EVI5: variants seen among roughly 807,000 people sequenced by gnomAD.
EVI5 encodes the protein ecotropic viral integration site 5 protein homolog.
EVI5 carries 73 observed loss-of-function variants against 112.0 expected under a neutral mutation model. That is an observed-to-expected ratio of 0.65 (90% CI 0.54 to 0.79). The LOEUF (loss-of-function observed/expected upper bound fraction) is 0.79. Ranked by LOEUF, EVI5 falls within the 30% of genes least tolerant of loss-of-function variation. The pLI is 0.00. For synonymous variants in EVI5, 305 were observed against 319.9 expected (o/e 0.95, Z 0.50); for missense variants, 900 against 968.8 (o/e 0.93, Z 0.94).
At position 92,783,501 on chromosome 1, in the gene EVI5, A is replaced by G. The variant is rs1371123390; in HGVS notation, c.-82+1335T>C. Among the ~76,000 whole-genome samples, 270 of 129,018 alleles carry G rather than the reference A, an allele frequency of 2.1e-3. 1 individual carries two copies. Among genetic ancestry groups the G allele is most frequent in the African/African-American group, 7.4e-3 (230 of 31,134 alleles). 84.6% of individuals were successfully genotyped at this position (129,018 alleles called of 152,430 possible). A position where few individuals can be genotyped will look rare whatever the true frequency, so the allele number is the denominator to read the frequency against. ...TCAGCCTTAAAAAAAAAAAAAAAAA[A>G]AAAAAAGAAAAGAAAAGAAAAGAAA... On this transcript the variant is annotated intron_variant, in intron 1 of 19. Transcript: ENST00000684568.
chr1:92,523,446 T>A (rs1041241698), intron 19 of EVI5, among the ~76,000 whole-genome samples: 10 of 152,164 alleles, frequency 6.6e-5, no homozygotes, highest in East Asian at 5.8e-4. Context: ...ATATATTTTT[T>A]AAAAAATATA....
At chr1:92,593,994 T>C (rs1339715950) in intron 18 of EVI5, among the ~76,000 whole-genome samples, 1 of 152,144 alleles carries the variant, frequency 6.6e-6, no homozygotes, top group East Asian at 1.9e-4. Flanking sequence ...GGTCATACTG[T>C]CCAAGGTAAT....
Position 92,784,963 on chromosome 1 carries a change from G to A in EVI5, c.-209C>T. ...GGTCGCCCGTCCCGAGTTCCCAAAA[G>A]CACCACGCTCACTCAGAAGCTCAGG... On this transcript the variant is annotated 5_prime_UTR_variant, in exon 1 of 20. Coordinates refer to ENST00000684568, the MANE Select transcript of EVI5 (RefSeq NM_001350197.2). 1.0e-6 allele frequency: 1 copy of A among 985,744 alleles called. No homozygotes were observed. The highest frequency in any genetic ancestry group is 1.2e-6 in the Non-Finnish European group (1 of 830,212). 61.1% of individuals were successfully genotyped at this position (985,744 alleles called of 1,614,324 possible).
intron 13 of EVI5, among the ~76,000 whole-genome samples, chr1:92,649,767 G>A (rs1056136019): frequency 6.6e-6 from 1 of 152,142 alleles, no homozygotes; most frequent in Non-Finnish European, 1.5e-5. Context: ...TGAGCTGATT[G>A]TGCCCTTACA....
At chr1:92,776,261 T>A (rs1050417784) in intron 1 of EVI5, among the ~76,000 whole-genome samples, 1 of 152,134 alleles carries the variant, frequency 6.6e-6, no homozygotes, top group African/African-American at 2.4e-5. Flanking sequence ...AGGATGGATA[T>A]AATTTAAAGG....
chr1:92,767,303 G>A (rs1315063146), intron 1 of EVI5, among the ~76,000 whole-genome samples: 4 of 152,048 alleles, frequency 2.6e-5, no homozygotes, highest in Non-Finnish European at 5.9e-5. Flanking sequence ...AATAATATTT[G>A]ACTAGTAATA....
At chr1:92,601,671 G>C (rs1649205507) in intron 18 of EVI5, among the ~76,000 whole-genome samples, 1 of 152,100 alleles carries the variant, frequency 6.6e-6, no homozygotes, top group African/African-American at 2.4e-5. Flanking sequence ...CAAAAGTACA[G>C]AGTAGAATGG....
upstream of EVI5, among the ~76,000 whole-genome samples, chr1:92,787,695 G>A (rs1192541193): frequency 6.6e-6 from 1 of 151,506 alleles, no homozygotes; most frequent in African/African-American, 2.4e-5. Context: ...AGCCATGATC[G>A]TGCCACTGCA....
rs1167709541 is a variant in EVI5 at position 92,509,227 on chromosome 1, A to G, written c.*4429T>C. The G allele has an allele frequency of 6.6e-6, 1 of 152,636 alleles. No homozygotes were observed. The highest frequency in any genetic ancestry group is 2.4e-5 in the African/African-American group (1 of 41,456). The allele number at this position is 152,636 out of a possible 1,614,324, so 9.5% of individuals were successfully genotyped here. ...ATAAGGAACTAAATTATTTCTTACG[A>G]TGTCAGAAATAATATACTTAAAAAG... On this transcript the variant is annotated 3_prime_UTR_variant, in exon 20 of 20. Transcript: ENST00000684568.
intron 13 of EVI5, among the ~76,000 whole-genome samples, chr1:92,657,392 T>C (rs1322379798): frequency 6.6e-6 from 1 of 152,128 alleles, no homozygotes; most frequent in African/African-American, 2.4e-5. Flanking sequence ...GCCAGGTACG[T>C]CGGCTCATGC....
intron 18 of EVI5, among the ~76,000 whole-genome samples, chr1:92,576,013 AAC>A (rs1222521890): frequency 6.6e-6 from 1 of 152,190 alleles, no homozygotes; most frequent in Non-Finnish European, 1.5e-5. Flanking sequence ...CTTGTTCCCA[AAC>A]CAAATAGGCA....
chr1:92,614,137 A>T (rs1180021251), intron 16 of EVI5, among the ~76,000 whole-genome samples: 1 of 152,206 alleles, frequency 6.6e-6, no homozygotes, highest in East Asian at 1.9e-4. Flanking sequence ...CACAGAAACA[A>T]CAAACCTCAA....
chr1:92,776,963 T>C (rs543569185), intron 1 of EVI5, among the ~76,000 whole-genome samples: 41 of 151,976 alleles, frequency 2.7e-4, no homozygotes, highest in Admixed American at 2.4e-3. Context: ...CCACCACGCC[T>C]GGCTAATTTT....
At chr1:92,571,251 G>C (rs1045739438) in intron 18 of EVI5, among the ~76,000 whole-genome samples, 1 of 148,206 alleles carries the variant, frequency 6.7e-6, no homozygotes, top group South Asian at 2.2e-4. Flanking sequence ...GAAAGAGAAA[G>C]GGTGATTAAG....
chr1:92,673,612 G>A (rs907206106), intron 10 of EVI5, among the ~76,000 whole-genome samples: 9 of 152,084 alleles, frequency 5.9e-5, no homozygotes, highest in Non-Finnish European at 1.0e-4. Flanking sequence ...GATTATAGGC[G>A]TGAGCCACCG....
chr1:92,548,327 C>T (rs953329356), intron 19 of EVI5, among the ~76,000 whole-genome samples: 12 of 149,548 alleles, frequency 8.0e-5, no homozygotes, highest in African/African-American at 2.9e-4. Flanking sequence ...TCAATAAATT[C>T]GGTATTGATT....
At chr1:92,652,145 C>A (rs1338177558) in intron 13 of EVI5, among the ~76,000 whole-genome samples, 2 of 152,130 alleles carry the variant, frequency 1.3e-5, no homozygotes, top group African/African-American at 4.8e-5. Context: ...TATATACATA[C>A]TATGGAATTT....
chr1:92,601,261 G>T (rs370586659), intron 18 of EVI5, among the ~76,000 whole-genome samples: 3 of 152,154 alleles, frequency 2.0e-5, no homozygotes, highest in Non-Finnish European at 2.9e-5. Context: ...TGCTGGAGAG[G>T]ATGTGGTGAA....
chr1:92,743,516 G>A (rs1047674230), intron 1 of EVI5, among the ~76,000 whole-genome samples: 1 of 151,998 alleles, frequency 6.6e-6, no homozygotes, highest in Non-Finnish European at 1.5e-5. Flanking sequence ...TGGTTGCCAT[G>A]GGAAGAGGAA....
Sources: gnomAD v4.1 joint callset for allele counts (sites outside exome capture counted in the v4.1 genomes callset) on GRCh38, gnomAD v4.1.1 for gene constraint, MANE v1.5 for transcripts, NCBI Gene and HGNC (gene_info 2026-07-23, HGNC 2026-07-21) for gene names.